The following FLVCR2 variants were observed in gnomAD, a reference collection of about 807,000 sequenced individuals.
FLVCR2 encodes FLVCR choline and putative heme transporter 2, also known as choline/ethanolamine transporter FLVCR2.
In FLVCR2, 38 loss-of-function variants were observed where a neutral mutation model predicts 48.9. The observed-to-expected ratio is 0.78, with a 90% CI of 0.60 to 1.02. The LOEUF (loss-of-function observed/expected upper bound fraction) is 1.02, where lower values mean the gene tolerates loss of function less well. Ranked by LOEUF, FLVCR2 falls within the 50% of genes least tolerant of loss-of-function variation. FLVCR2 has a pLI of 0.00. For missense variants in FLVCR2, 664 were observed against 663.3 expected (o/e 1.00, Z -0.01); for synonymous variants, 255 against 257.0 (o/e 0.99, Z 0.07).
intron 1 of FLVCR2, among the ~76,000 whole-genome samples, chr14:75,605,109 T>C (rs1271111288): frequency 1.3e-5 from 2 of 152,194 alleles, no homozygotes; most frequent in Non-Finnish European, 1.5e-5. Context: ...TTGTTCTTGA[T>C]CTTTTTCCAA....
intron 1 of FLVCR2, among the ~76,000 whole-genome samples, chr14:75,585,622 C>G (rs1369789959): frequency 6.6e-6 from 1 of 152,064 alleles, no homozygotes; most frequent in Non-Finnish European, 1.5e-5. Context: ...CCGCAATTGA[C>G]TTGCCACCAA....
At position 75,622,148 on chromosome 14, in the gene FLVCR2, G is replaced by A. The variant is rs1047558362; in HGVS notation, c.739G>A (p.Ala247Thr). 1.9e-6 allele frequency: 3 copies of A among 1,613,896 alleles called. No individual in the cohort carries two copies. In the African/African-American group the frequency reaches 4.0e-5, roughly 22 times the overall value. Reference protein sequence around the residue: ...VPNIEDRDELAYHISIMFYII... With the variant: ...VPNIEDRDELTYHISIMFYII... ...CAACATTGAAGACCGGGACGAGCTT[G>A]CCTACCACATCAGCATCATGTTCTA... Residue 247 changes from alanine (A) to threonine (T), a missense_variant, in exon 2 of 10, where the codon GCC becomes ACC. Transcript: ENST00000238667.
intron 1 of FLVCR2, among the ~76,000 whole-genome samples, chr14:75,595,421 T>C (rs1296558621): frequency 1.3e-5 from 2 of 152,224 alleles, no homozygotes; most frequent in African/African-American, 4.8e-5. Context: ...TTGTGTTTGC[T>C]GGACAGGCTG....
chr14:75,646,310 C>G (rs1013696414), intron 9 of FLVCR2, 91 bp from the exon 10 acceptor site: 2 of 857,700 alleles, frequency 2.3e-6, no homozygotes, highest in African/African-American at 3.3e-5. Context: ...CTTGTATTCC[C>G]CACTGATTAG....
intron 1 of FLVCR2, among the ~76,000 whole-genome samples, chr14:75,615,944 A>G (rs551328637): frequency 3.3e-4 from 47 of 142,404 alleles, no homozygotes; most frequent in African/African-American, 1.2e-3. Context: ...GGAGAATGGC[A>G]TGAACCCGGG....
chr14:75,599,677 G>A (rs749751355), intron 1 of FLVCR2, among the ~76,000 whole-genome samples: 3 of 151,964 alleles, frequency 2.0e-5, no homozygotes, highest in African/African-American at 4.8e-5. Flanking sequence ...GAACAGCATC[G>A]GAGATCTCAC....
intron 1 of FLVCR2, among the ~76,000 whole-genome samples, chr14:75,613,646 G>A (rs1235755953): frequency 1.3e-5 from 2 of 152,148 alleles, no homozygotes; most frequent in South Asian, 2.1e-4. Flanking sequence ...TGCCTCCCGG[G>A]TTCAAGCGAT....
rs1415947098 is a variant in FLVCR2 at position 75,634,956 on chromosome 14, C to A, written c.1067C>A (p.Ala356Glu). The change falls in exon 5 of 10, where the codon GCA becomes GAA. Residue 356 changes from alanine (A) to glutamate (E), a missense_variant. Physicochemically the swap from Ala to Glu is moderately radical, Grantham distance 107. Transcript: ENST00000238667. The stretch of plus-strand genomic sequence containing the variant: ...AGAATTGGCCTGACGATCGTCATTG[C>A]AGGAATGCTTGGGGCTGTGATCTCA... ...AGRIGLTIVI[A>E]GMLGAVISGI... 5 of 1,614,008 alleles carry A rather than the reference C, an allele frequency of 3.1e-6. No homozygotes were observed. The Admixed American group carries it at 8.3e-5, about 27-fold the overall frequency.
intron 3 of FLVCR2, among the ~76,000 whole-genome samples, chr14:75,626,373 C>A (rs1594809586): frequency 6.6e-6 from 1 of 151,900 alleles, no homozygotes. Flanking sequence ...TTAGGCTCAA[C>A]AATACATTTT....
At chr14:75,587,153 T>A (rs1246586032) in intron 1 of FLVCR2, among the ~76,000 whole-genome samples, 2 of 152,218 alleles carry the variant, frequency 1.3e-5, no homozygotes, top group African/African-American at 2.4e-5. Context: ...TCTGTGAGGT[T>A]GGTGAAATTG....
chr14:75,581,044 C>T (rs940458198), intron 1 of FLVCR2, among the ~76,000 whole-genome samples: 4 of 151,708 alleles, frequency 2.6e-5, no homozygotes, highest in South Asian at 2.1e-4. Flanking sequence ...AGGACTGCTT[C>T]GAGCGGGATT....
chr14:75,596,179 T>C lies in FLVCR2; in HGVS notation c.669+16538T>C, dbSNP rs150861510. ...AGTCGTCGGTTGATCATGAACTTTC[T>C]AGTGTGGATAGTTACTGTGTCGTTC... On this transcript the variant is annotated intron_variant, in intron 1 of 9. Transcript: ENST00000238667. 191 of 738,652 alleles carry C rather than the reference T, an allele frequency of 2.6e-4. No individual in the cohort carries two copies. The African/African-American group carries it at 2.9e-3, about 11-fold the overall frequency. The allele number at this position is 738,652 out of a possible 1,614,324, so 45.8% of individuals were successfully genotyped here.
At chr14:75,627,452 C>G (rs1387982911) in intron 3 of FLVCR2, among the ~76,000 whole-genome samples, 1 of 152,162 alleles carries the variant, frequency 6.6e-6, no homozygotes, top group African/African-American at 2.4e-5. Context: ...TTTCACTTGC[C>G]CTATTCCAAT....
intron 2 of FLVCR2, among the ~76,000 whole-genome samples, chr14:75,624,207 C>CA (rs1889835723): frequency 6.6e-6 from 1 of 151,676 alleles, no homozygotes; most frequent in South Asian, 2.1e-4. Context: ...ATGAAAAATA[C>CA]AAAAAATTAG....
intron 1 of FLVCR2, among the ~76,000 whole-genome samples, chr14:75,600,528 A>T (rs1419772668): frequency 6.6e-6 from 1 of 152,206 alleles, no homozygotes; most frequent in Non-Finnish European, 1.5e-5. Flanking sequence ...TGAGATCTGT[A>T]TCAGAACCCC....
intron 1 of FLVCR2, among the ~76,000 whole-genome samples, chr14:75,616,048 A>AAAAAAAAAAAAT (rs1889607875): frequency 6.8e-6 from 1 of 146,998 alleles, no homozygotes; most frequent in South Asian, 2.1e-4. Context: ...AAAAAAAAAA[A>AAAAAAAAAAAAT]TAGCGTAAGT....
Position 75,639,390 on chromosome 14 carries a change from G to C in FLVCR2, c.1163G>C (p.Gly388Ala), listed in dbSNP as rs376699157. 3 of 1,613,898 alleles carry C rather than the reference G, an allele frequency of 1.9e-6. No individual in the cohort carries two copies. The African/African-American group carries it at 4.0e-5, about 22-fold the overall frequency. Reference protein sequence around the residue: ...TLVVYIMTLVGMVVYTFTLNL... With the variant: ...TLVVYIMTLVAMVVYTFTLNL... ...GTAGTCTATATCATGACACTGGTGGGCATGGTGGTGTACACGTTTACCTTG... is the reference window on the plus strand; with the variant it reads ...GTAGTCTATATCATGACACTGGTGGCCATGGTGGTGTACACGTTTACCTTG... Residue 388 changes from glycine to alanine, a missense_variant, in exon 6 of 10, where the codon GGC (glycine) becomes GCC (alanine). Physicochemically the swap from Gly to Ala is moderately conservative, Grantham distance 60 (BLOSUM62 0). Transcript: ENST00000238667.
chr14:75,633,546 C>T, intron 3 of FLVCR2, 83 bp from the exon 4 acceptor site: 2 of 1,075,328 alleles, frequency 1.9e-6, no homozygotes, highest in East Asian at 2.4e-5. Flanking sequence ...TTTCTGCCCA[C>T]CCCCCAAATG....
At chr14:75,625,099 G>A (rs1452497834) in intron 3 of FLVCR2, among the ~76,000 whole-genome samples, 1 of 149,486 alleles carries the variant, frequency 6.7e-6, no homozygotes, top group Admixed American at 6.6e-5. Flanking sequence ...TTTTTTGCAG[G>A]TCTATTTCCC....
Sources: gnomAD v4.1 joint callset for allele counts (sites outside exome capture counted in the v4.1 genomes callset) on GRCh38, gnomAD v4.1.1 for gene constraint, MANE v1.5 for transcripts, NCBI Gene and HGNC (gene_info 2026-07-23, HGNC 2026-07-21) for gene names.